The following WDR37 variants were observed in gnomAD, a reference collection of about 807,000 sequenced individuals.
The protein encoded by WDR37 is WD repeat-containing protein 37.
In WDR37, 19 loss-of-function variants were observed where a neutral mutation model predicts 62.9. That is an observed-to-expected ratio of 0.30 (90% CI 0.21 to 0.44). The LOEUF is 0.44. Ranked by LOEUF, WDR37 falls within the 20% of genes least tolerant of loss-of-function variation. WDR37 has a pLI of 1.00. For missense variants in WDR37, 474 were observed against 657.6 expected, an observed-to-expected ratio of 0.72 and a Z score of 3.05; for synonymous variants, 250 against 260.9, an observed-to-expected ratio of 0.96 and a Z score of 0.40.
At chr10:1,090,140 T>C (rs12776819) in intron 7 of WDR37, among the ~76,000 whole-genome samples, 1 of 152,138 alleles carries the variant, frequency 6.6e-6, no homozygotes, top group Non-Finnish European at 1.5e-5. Flanking sequence ...CTAAATTTTG[T>C]ATTTTTTTAA....
intron 2 of WDR37, chr10:1,074,608 G>C: frequency 9.3e-7 from 1 of 1,070,378 alleles, no homozygotes; most frequent in East Asian, 5.9e-5. Context: ...CCGTGGGCGG[G>C]AGAGAGCTGT....
chr10:1,067,032 A>G (rs527376333), intron 1 of WDR37, among the ~76,000 whole-genome samples: 19 of 152,302 alleles, frequency 1.2e-4, no homozygotes, highest in African/African-American at 2.6e-4. Context: ...ATTGGAATTC[A>G]AGATGAGATT....
At chr10:1,069,916 A>G (rs1189285229) in intron 1 of WDR37, among the ~76,000 whole-genome samples, 6 of 152,268 alleles carry the variant, frequency 3.9e-5, no homozygotes, top group Non-Finnish European at 7.4e-5. Flanking sequence ...TTCAAAATAC[A>G]AAGTTGAGGC....
chr10:1,086,463 C>G (rs1374532239), intron 7 of WDR37, 106 bp downstream of exon 7: 2 of 862,350 alleles, frequency 2.3e-6, no homozygotes, highest in East Asian at 2.7e-5. Context: ...GGAAGCCTTA[C>G]TGTTTCGGTT....
Position 1,129,538 on chromosome 10 carries a change from C to A in WDR37, c.*194C>A. 1.2e-6 allele frequency: 1 copy of A among 829,674 alleles called. No homozygotes were observed. Among genetic ancestry groups the A allele is most frequent in the Non-Finnish European group, 1.8e-6 (1 of 562,098 alleles). 51.4% of individuals were successfully genotyped at this position (829,674 alleles called of 1,614,324 possible). On this transcript the variant is annotated 3_prime_UTR_variant, in exon 14 of 14. Transcript: ENST00000263150. ...GTGTGGTCGTATTTTTTACTTTTGT[C>A]TTGTATATGTATGTATATTGGGTCC... is the stretch of plus-strand genomic sequence containing the variant.
chr10:1,103,694 A>C lies in WDR37; in HGVS notation c.819A>C (p.Pro273=). 1 of 1,614,214 alleles carries C rather than the reference A, an allele frequency of 6.2e-7. No homozygotes were observed. The highest frequency in any genetic ancestry group is 1.7e-4 in the Middle Eastern group (1 of 6,060). Residue 273 remains proline (P), a synonymous_variant, in exon 10 of 14, where the codon CCA becomes CCC. Coordinates refer to ENST00000263150, the MANE Select transcript of WDR37 (RefSeq NM_014023.4). This position sits in a 1 kb window ranked among gnomAD's most constrained non-coding sequence, Gnocchi z 6.3. ...VSSDCPTIRV[P]LTSLKSHQGV... ...GCGACTGCCCCACCATCCGCGTCCC[A>C]CTGACATCCCTCAAGAGCCACCAGG...
intron 13 of WDR37, among the ~76,000 whole-genome samples, chr10:1,126,418 A>G (rs1835780057): frequency 6.6e-6 from 1 of 151,286 alleles, no homozygotes; most frequent in South Asian, 2.1e-4. Flanking sequence ...AAAAAAAAAA[A>G]AGAAACTCCC....
At chr10:1,074,647 A>G (rs1833814632) in intron 2 of WDR37, 1 of 679,230 alleles carries the variant, frequency 1.5e-6, no homozygotes, top group South Asian at 1.7e-5. Flanking sequence ...TTGGCATGGT[A>G]GGTGTGAGGG....
rs566986832 is a variant in WDR37, at chr10:1,105,154, C to T, written c.990C>T (p.Cys330=). ...ACGACCAGGAGTTGACGCACTGCTG[C>T]ACACACCCCACCCAGCGGCTCGTGG... ...TGHDQELTHC[C]THPTQRLVVT... is the part of the protein sequence containing the mutation. Residue 330 remains cysteine (C), a synonymous_variant, in exon 11 of 14, where the codon TGC becomes TGT. Coordinates refer to ENST00000263150, the MANE Select transcript of WDR37 (RefSeq NM_014023.4). This position sits in a 1 kb window ranked among gnomAD's most constrained non-coding sequence, Gnocchi z 5.3. 1.9e-6 allele frequency: 3 copies of T among 1,614,158 alleles called. No individual in the cohort carries two copies. The South Asian group carries it at 3.3e-5, about 18-fold the overall frequency.
intron 11 of WDR37, among the ~76,000 whole-genome samples, chr10:1,106,480 TAGTA>T (rs1376430538): frequency 6.6e-6 from 1 of 152,228 alleles, no homozygotes; most frequent in Non-Finnish European, 1.5e-5. Flanking sequence ...TTCAAAATGT[TAGTA>T]AGATGTTGGA....
At chr10:1,057,313 G>GGGC (rs147745963) in intron 1 of WDR37, among the ~76,000 whole-genome samples, 1 of 146,510 alleles carries the variant, frequency 6.8e-6, no homozygotes, top group African/African-American at 2.6e-5. Flanking sequence ...GGAAGAGTCG[G>GGGC]GGCGCTGGAG....
chr10:1,131,806 C>T lies in WDR37; in HGVS notation c.*2462C>T, dbSNP rs568940755. ...AGTGGGAACAGTTTTGTCCTGTATG[C>T]TGATGTGTCCAGAATTTCATTTAAT... On this transcript the variant is annotated 3_prime_UTR_variant, in exon 14 of 14. Coordinates refer to ENST00000263150, the MANE Select transcript of WDR37 (RefSeq NM_014023.4). The T allele has an allele frequency of 6.6e-5, 10 of 152,344 alleles. No homozygotes were observed. Among genetic ancestry groups the T allele is most frequent in the African/African-American group, 1.7e-4 (7 of 41,544 alleles). The allele number at this position is 152,344 out of a possible 1,614,324, so 9.4% of individuals were successfully genotyped here.
chr10:1,080,278 T>C (rs1833989808), intron 4 of WDR37, 134 bp from the exon 5 acceptor site: 1 of 1,279,888 alleles, frequency 7.8e-7, no homozygotes, highest in Non-Finnish European at 1.1e-6. Context: ...TGTTCTGCCA[T>C]GGCTCTGTGT....
intron 9 of WDR37, among the ~76,000 whole-genome samples, chr10:1,102,609 A>G (rs1834861493): frequency 6.6e-6 from 1 of 152,154 alleles, no homozygotes; most frequent in South Asian, 2.1e-4. Context: ...CCCCACATCC[A>G]AGCAGCCAGA....
intron 13 of WDR37, among the ~76,000 whole-genome samples, chr10:1,125,272 A>G (rs2131694556): frequency 6.6e-6 from 1 of 151,498 alleles, no homozygotes; most frequent in South Asian, 2.1e-4. Flanking sequence ...GCTGGAGTGC[A>G]GTGGCATGAT....
chr10:1,116,392 G>C (rs1486372515), intron 11 of WDR37, among the ~76,000 whole-genome samples: 2 of 152,028 alleles, frequency 1.3e-5, no homozygotes, highest in Non-Finnish European at 2.9e-5. Flanking sequence ...CACCCTGTCT[G>C]TCAGTCCTCC....
chr10:1,080,373 T>C (rs369168019), intron 4 of WDR37, 39 bp from the exon 5 acceptor site: 4 of 1,613,404 alleles, frequency 2.5e-6, no homozygotes. Context: ...GGTCTTTGAT[T>C]GTGTGATTGT....
chr10:1,122,830 T>C (rs1438450068), intron 11 of WDR37, among the ~76,000 whole-genome samples: 3 of 152,240 alleles, frequency 2.0e-5, no homozygotes, highest in Non-Finnish European at 4.4e-5. Context: ...CATGATTTCC[T>C]CTGCAGATTT....
intron 9 of WDR37, among the ~76,000 whole-genome samples, chr10:1,100,899 G>C (rs1033944098): frequency 2.6e-4 from 39 of 152,318 alleles, no homozygotes; most frequent in African/African-American, 9.1e-4. Flanking sequence ...AGCCTTGTGA[G>C]CCTCGGGCCC....
Sources: allele counts gnomAD v4.1 joint callset (sites outside exome capture counted in the v4.1 genomes callset), GRCh38; gene constraint gnomAD v4.1.1; non-coding constraint Gnocchi (gnomAD v3.1); transcripts MANE v1.5; gene names NCBI Gene and HGNC (gene_info 2026-07-23, HGNC 2026-07-21).